Variants in FGF14 observed in about 807,000 individuals in gnomAD.
FGF14 encodes fibroblast growth factor 14.
Under a neutral mutation model 25.5 loss-of-function variants are expected in FGF14, and 5 were observed. That is an observed-to-expected ratio of 0.20 (90% confidence interval 0.10 to 0.41). The LOEUF (loss-of-function observed/expected upper bound fraction) is 0.41, where lower values mean the gene tolerates loss of function less well. FGF14 is among the 10% of genes least tolerant of loss of function. FGF14 has a pLI of 1.00. For missense variants in FGF14, 222 were observed against 320.1 expected (o/e 0.69, Z 2.34); for synonymous variants, 138 against 118.3 (o/e 1.17, Z -1.08).
intron 1 of FGF14, among the ~76,000 whole-genome samples, chr13:102,236,966 G>A (rs776391128): frequency 3.9e-5 from 6 of 152,112 alleles, no homozygotes; most frequent in Non-Finnish European, 2.9e-5. Context: ...AGTTGGTTGC[G>A]CAGGACTGCA....
chr13:101,819,601 A>G (rs1039132276), intron 3 of FGF14, among the ~76,000 whole-genome samples: 2 of 152,218 alleles, frequency 1.3e-5, no homozygotes, highest in Non-Finnish European at 1.5e-5. Flanking sequence ...GTGAAATTGA[A>G]TCTTTCAAGT....
chr13:101,805,353 A>G (rs11069463), intron 3 of FGF14, among the ~76,000 whole-genome samples: 50 of 152,212 alleles, frequency 3.3e-4, no homozygotes, highest in African/African-American at 1.2e-3. Flanking sequence ...ATTTCTATTA[A>G]TGGTGGTTTG....
At chr13:102,353,028 G>T (rs1457696172) in intron 1 of FGF14, among the ~76,000 whole-genome samples, 1 of 152,034 alleles carries the variant, frequency 6.6e-6, no homozygotes, top group Non-Finnish European at 1.5e-5. Flanking sequence ...CTATGTGAAT[G>T]GATATAGTTT....
intron 1 of FGF14, among the ~76,000 whole-genome samples, chr13:102,189,014 GAATGAAAGAAGA>G (rs1399643855): frequency 0.029 from 1,981 of 67,508 alleles, 46 homozygotes; most frequent in Middle Eastern, 0.051. Context: ...GAAAGAGAAA[GAATGAAAGAAGA>G]AAAGAAAGAA....
intron 1 of FGF14, among the ~76,000 whole-genome samples, chr13:102,250,076 A>G (rs1795456939): frequency 6.6e-6 from 1 of 152,034 alleles, no homozygotes; most frequent in South Asian, 2.1e-4. Flanking sequence ...TTCCCTATCA[A>G]TGGAACTGTT....
intron 3 of FGF14, among the ~76,000 whole-genome samples, chr13:101,823,831 T>A (rs1040293879): frequency 7.4e-5 from 11 of 149,542 alleles, no homozygotes; most frequent in East Asian, 1.9e-4. Flanking sequence ...CTTTTATATA[T>A]ATAAAATAGT....
intron 1 of FGF14, among the ~76,000 whole-genome samples, chr13:101,881,734 G>A (rs564242661): frequency 6.6e-6 from 1 of 152,148 alleles, no homozygotes; most frequent in Non-Finnish European, 1.5e-5. Context: ...GAACACAAGC[G>A]CACCAGCAAA....
At chr13:102,363,092 C>T (rs2057613232) in intron 1 of FGF14, among the ~76,000 whole-genome samples, 1 of 151,986 alleles carries the variant, frequency 6.6e-6, no homozygotes, top group African/African-American at 2.4e-5. Flanking sequence ...ACATGAAATA[C>T]AATAAAATTC....
intron 1 of FGF14, among the ~76,000 whole-genome samples, chr13:101,908,883 C>A (rs2032574162): frequency 6.6e-6 from 1 of 152,030 alleles, no homozygotes; most frequent in South Asian, 2.1e-4. Context: ...GTACTGGTAC[C>A]AAAACAGAGA....
intron 3 of FGF14, among the ~76,000 whole-genome samples, chr13:101,821,001 G>A (rs1276196331): frequency 1.4e-5 from 2 of 146,918 alleles, no homozygotes; most frequent in South Asian, 2.3e-4. Flanking sequence ...AGGCTGGAGT[G>A]CAGTGGCATG....
At chr13:101,735,062 C>T (rs927341311) in intron 3 of FGF14, among the ~76,000 whole-genome samples, 5 of 152,172 alleles carry the variant, frequency 3.3e-5, no homozygotes, top group African/African-American at 1.2e-4. Context: ...TGCCCTCCCT[C>T]ATGCCTGGGC....
intron 1 of FGF14, among the ~76,000 whole-genome samples, chr13:102,189,017 TGAAAGAAGAAAAGAAA>T (rs1430322272): frequency 2.1e-4 from 14 of 67,810 alleles, no homozygotes; most frequent in Non-Finnish European, 3.6e-4. Flanking sequence ...AGAGAAAGAA[TGAAAGAAGAAAAGAAA>T]GAAAGAAAGA....
intron 1 of FGF14, among the ~76,000 whole-genome samples, chr13:102,323,954 AGTATGTGT>A (rs1268626748): frequency 1.1e-4 from 11 of 103,770 alleles, no homozygotes; most frequent in African/African-American, 4.1e-4. Flanking sequence ...CCCAACGTGC[AGTATGTGT>A]GTGTGTGTGT....
At chr13:102,038,006 G>A (rs141563716) in intron 1 of FGF14, among the ~76,000 whole-genome samples, 81 of 152,266 alleles carry the variant, frequency 5.3e-4, no homozygotes, top group African/African-American at 1.9e-3. Context: ...TGGATCTCTT[G>A]CTTGGTGGAA....
chr13:101,853,181 T>C (rs2043946200), intron 3 of FGF14, among the ~76,000 whole-genome samples: 1 of 151,998 alleles, frequency 6.6e-6, no homozygotes, highest in African/African-American at 2.4e-5. Flanking sequence ...GTATGTAGGA[T>C]ACCCAATCTT....
chr13:102,252,452 G>A (rs2052227247), intron 1 of FGF14, among the ~76,000 whole-genome samples: 1 of 152,144 alleles, frequency 6.6e-6, no homozygotes, highest in Admixed American at 6.6e-5. Flanking sequence ...GAGGGGACTG[G>A]TTCCAGGACC....
chr13:101,869,667 C>G (rs1315643539), intron 2 of FGF14, among the ~76,000 whole-genome samples: 3 of 152,104 alleles, frequency 2.0e-5, no homozygotes, highest in African/African-American at 7.2e-5. Flanking sequence ...GTGAGGTTAT[C>G]TGCTGCTACT....
At chr13:102,029,175 G>T (rs543254417) in intron 1 of FGF14, among the ~76,000 whole-genome samples, 1 of 152,192 alleles carries the variant, frequency 6.6e-6, no homozygotes, top group Non-Finnish European at 1.5e-5. Context: ...CATGTTGCTT[G>T]TGTGTGTGTC....
Position 101,822,934 on chromosome 13 carries a change from C to T in FGF14, c.408+45791G>A, listed in dbSNP as rs145925900. On this transcript the variant is annotated intron_variant, in intron 3 of 4. Transcript: ENST00000376143. ...TAACCATCATTCTACTTTCCACCCACATTAGATTTTTTTTTAAGCTCCCAC... is the reference window on the plus strand; with the variant it reads ...TAACCATCATTCTACTTTCCACCCATATTAGATTTTTTTTTAAGCTCCCAC... Among the ~76,000 whole-genome samples, 155 of 152,268 alleles carry T rather than the reference C, an allele frequency of 1.0e-3. 2 individuals are homozygous for T. The East Asian group carries it at 0.026, about 25-fold the overall frequency.
Sources: allele counts gnomAD v4.1 joint callset (sites outside exome capture counted in the v4.1 genomes callset), GRCh38; gene constraint gnomAD v4.1.1; transcripts MANE v1.5; gene names NCBI Gene and HGNC (gene_info 2026-07-23, HGNC 2026-07-21).